ZFHX3: variants seen among roughly 807,000 people sequenced by gnomAD.
The protein encoded by ZFHX3 is zinc finger homeobox 3, also known as zinc finger homeobox protein 3.
ZFHX3 carries 42 observed loss-of-function variants against 279.1 expected under a neutral mutation model. That is an observed-to-expected ratio of 0.15 (90% CI 0.12 to 0.19). The LOEUF (loss-of-function observed/expected upper bound fraction) is 0.19. Among genes scored for constraint, ZFHX3 ranks in the 10% least tolerant of loss-of-function variants. ZFHX3 has a pLI of 1.00. For synonymous variants in ZFHX3, 2,293 were observed against 1,957.8 expected (o/e 1.17, Z -4.52); for missense variants, 4,981 against 4,754.0 (o/e 1.05, Z -1.40).
At chr16:73,557,473 C>G (rs184094194) in intron 2 of ZFHX3, among the ~76,000 whole-genome samples, 66 of 152,246 alleles carry the variant, frequency 4.3e-4, no homozygotes, top group African/African-American at 1.5e-3. Context: ...GTAGACAGAG[C>G]AGCCTGAGGG....
At chr16:73,094,193 G>T (rs980401463) in intron 7 of ZFHX3, among the ~76,000 whole-genome samples, 1 of 152,010 alleles carries the variant, frequency 6.6e-6, no homozygotes, top group East Asian at 1.9e-4. Flanking sequence ...CATTCTTTTT[G>T]GAAACACAGG....
chr16:73,182,337 A>G (rs757101126), intron 5 of ZFHX3, among the ~76,000 whole-genome samples: 6 of 152,128 alleles, frequency 3.9e-5, no homozygotes, highest in Non-Finnish European at 8.8e-5. Context: ...CATGCCTGTA[A>G]TCCCAGCTAC....
intron 5 of ZFHX3, among the ~76,000 whole-genome samples, chr16:73,187,901 C>G (rs1431709005): frequency 6.6e-6 from 1 of 152,210 alleles, no homozygotes; most frequent in African/African-American, 2.4e-5. Context: ...CTCTGTCGCC[C>G]AGGCTGGAGT....
At chr16:73,773,622 G>A (rs1386159802) in intron 1 of ZFHX3, among the ~76,000 whole-genome samples, 9 of 152,226 alleles carry the variant, frequency 5.9e-5, no homozygotes, top group East Asian at 1.9e-4. Flanking sequence ...AGGGCCATCC[G>A]GGAAGGCCTG....
At chr16:72,890,078 C>A in intron 3 of ZFHX3, 116 bp from the exon 4 acceptor site, 1 of 841,704 alleles carries the variant, frequency 1.2e-6, no homozygotes. Context: ...GACACATCTC[C>A]ACAGCCAAAC....
At chr16:73,239,370 G>A (rs2013049794) in intron 5 of ZFHX3, among the ~76,000 whole-genome samples, 4 of 152,176 alleles carry the variant, frequency 2.6e-5, no homozygotes, top group Admixed American at 2.0e-4. Flanking sequence ...TAGAAGCTCT[G>A]GCTAAGGCCG....
At chr16:73,237,000 A>G (rs2012970204) in intron 5 of ZFHX3, among the ~76,000 whole-genome samples, 1 of 152,140 alleles carries the variant, frequency 6.6e-6, no homozygotes, top group South Asian at 2.1e-4. Flanking sequence ...TCCAATTTCC[A>G]CGGTGCTCTT....
At chr16:72,819,734 G>A (rs2036729601) in intron 5 of ZFHX3, among the ~76,000 whole-genome samples, 1 of 152,190 alleles carries the variant, frequency 6.6e-6, no homozygotes, top group Non-Finnish European at 1.5e-5. Context: ...AGGGATGACA[G>A]CCAGGTTTGG....
chr16:73,110,561 T>C (rs1158274432), intron 7 of ZFHX3, among the ~76,000 whole-genome samples: 3 of 152,182 alleles, frequency 2.0e-5, no homozygotes, highest in Non-Finnish European at 4.4e-5. Context: ...TCACTAATTC[T>C]TTGTATTTTG....
chr16:73,063,208 C>G (rs1256241873), upstream of ZFHX3, among the ~76,000 whole-genome samples: 2 of 152,222 alleles, frequency 1.3e-5, no homozygotes, highest in Non-Finnish European at 2.9e-5. Context: ...GTTAAGCTGC[C>G]CGAGCCCGGG....
intron 1 of ZFHX3, among the ~76,000 whole-genome samples, chr16:73,890,608 A>C (rs1223009174): frequency 6.6e-6 from 1 of 152,054 alleles, no homozygotes; most frequent in African/African-American, 2.4e-5. Flanking sequence ...TCTTTTGCAT[A>C]CTCAAACACA....
intron 8 of ZFHX3, among the ~76,000 whole-genome samples, chr16:73,072,858 T>G (rs956443815): frequency 6.6e-6 from 1 of 151,714 alleles, no homozygotes; most frequent in African/African-American, 2.4e-5. Flanking sequence ...CATGAGCCAC[T>G]GTGCCCAGCG....
intron 2 of ZFHX3, among the ~76,000 whole-genome samples, chr16:73,627,098 T>C (rs530613449): frequency 2.1e-4 from 32 of 152,320 alleles, no homozygotes; most frequent in Non-Finnish European, 3.2e-4. Context: ...TTGAAGGAGA[T>C]AGATTTTTCC....
chr16:73,194,142 G>GATT (rs1968096387), intron 5 of ZFHX3, among the ~76,000 whole-genome samples: 2 of 152,022 alleles, frequency 1.3e-5, no homozygotes, highest in Non-Finnish European at 2.9e-5. Flanking sequence ...GGAATTGCTG[G>GATT]GGTTCATAGA....
At chr16:72,875,220 A>C (rs2038278749) in intron 4 of ZFHX3, among the ~76,000 whole-genome samples, 2 of 152,240 alleles carry the variant, frequency 1.3e-5, no homozygotes, top group Non-Finnish European at 2.9e-5. Context: ...CTTACAGGCC[A>C]GTAAGGTGGC....
At chr16:73,712,638 T>C (rs1378394396) in intron 1 of ZFHX3, among the ~76,000 whole-genome samples, 1 of 152,154 alleles carries the variant, frequency 6.6e-6, no homozygotes, top group East Asian at 1.9e-4. Flanking sequence ...GCAGCTGGCC[T>C]TCCTGAAGGA....
At chr16:73,364,383 T>G (rs892501641) in intron 3 of ZFHX3, among the ~76,000 whole-genome samples, 6 of 149,976 alleles carry the variant, frequency 4.0e-5, no homozygotes, top group Admixed American at 2.7e-4. Flanking sequence ...ATTATAATAA[T>G]AATAGTAATA....
intron 2 of ZFHX3, among the ~76,000 whole-genome samples, chr16:73,554,005 C>T (rs1169950391): frequency 6.6e-6 from 1 of 152,186 alleles, no homozygotes; most frequent in Non-Finnish European, 1.5e-5. Context: ...GTCTGAACTG[C>T]TGCACCAGGA....
At chr16:73,093,545 T>C (rs1230406242) in exon 8 of ZFHX3, 1 of 510,970 alleles carries the variant, frequency 2.0e-6, no homozygotes, top group African/African-American at 1.9e-5. Flanking sequence ...CACACAAGCC[T>C]GGAGCCCAGC....
Sources: gnomAD v4.1 joint callset for allele counts (sites outside exome capture counted in the v4.1 genomes callset) on GRCh38, gnomAD v4.1.1 for gene constraint, MANE v1.5 for transcripts, NCBI Gene and HGNC (gene_info 2026-07-23, HGNC 2026-07-21) for gene names.